DNAH11: variants seen among roughly 807,000 people sequenced by gnomAD.
DNAH11 encodes the protein dynein axonemal heavy chain 11, also known as axonemal beta dynein heavy chain 11.
DNAH11 carries 442 observed loss-of-function variants against 526.0 expected under a neutral mutation model. That is an observed-to-expected ratio of 0.84 (90% CI 0.78 to 0.91). The LOEUF (loss-of-function observed/expected upper bound fraction) is 0.91, where lower values mean the gene tolerates loss of function less well. Ranked by LOEUF, DNAH11 falls within the 40% of genes least tolerant of loss-of-function variation. The probability of loss-of-function intolerance (pLI) is 0.00; values close to 1 mark genes in which losing one functional copy is unlikely to be tolerated. For missense variants in DNAH11, 6,989 were observed against 5,448.7 expected (o/e 1.28, Z -8.90); for synonymous variants, 2,461 against 1,935.9 (o/e 1.27, Z -7.12).
At chr7:21,749,605 C>T in intron 52 of DNAH11, 73 bp from the exon 53 acceptor site, 4 of 1,578,726 alleles carry the variant, frequency 2.5e-6, no homozygotes, top group East Asian at 2.2e-5. Context: ...GAGTTCTCCC[C>T]AGCACTCACA....
At chr7:21,724,897 C>G (rs556320567) in intron 44 of DNAH11, among the ~76,000 whole-genome samples, 1 of 151,038 alleles carries the variant, frequency 6.6e-6, no homozygotes, top group South Asian at 2.1e-4. Flanking sequence ...GCCAGATTAT[C>G]CTATGGATAT....
At chr7:21,651,409 C>G (rs1781767529) in intron 28 of DNAH11, among the ~76,000 whole-genome samples, 1 of 152,050 alleles carries the variant, frequency 6.6e-6, no homozygotes, top group African/African-American at 2.4e-5. Flanking sequence ...GTCACCCAGG[C>G]TGGAGTGCAG....
At chr7:21,805,302 T>C (rs943815538) in intron 62 of DNAH11, among the ~76,000 whole-genome samples, 1 of 152,236 alleles carries the variant, frequency 6.6e-6, no homozygotes, top group East Asian at 1.9e-4. Flanking sequence ...TGGTCTTTTT[T>C]TCCCCAACTG....
At chr7:21,828,451 AG>A (rs1364760991) in intron 65 of DNAH11, among the ~76,000 whole-genome samples, 2 of 152,136 alleles carry the variant, frequency 1.3e-5, no homozygotes, top group Admixed American at 6.5e-5. Context: ...AATTTAGTAA[AG>A]TTTTTTTTCC....
At chr7:21,840,468 TAGA>T (rs1782163301) in intron 65 of DNAH11, among the ~76,000 whole-genome samples, 1 of 152,188 alleles carries the variant, frequency 6.6e-6, no homozygotes, top group African/African-American at 2.4e-5. Context: ...TAAGGTAAAA[TAGA>T]AGACTGAGCC....
intron 30 of DNAH11, among the ~76,000 whole-genome samples, chr7:21,678,918 T>C (rs1783023783): frequency 6.6e-6 from 1 of 152,180 alleles, no homozygotes; most frequent in Admixed American, 6.5e-5. Context: ...CTTGACAAGA[T>C]ATGTGCACTC....
At chr7:21,874,005 G>T (rs1442705475) in intron 74 of DNAH11, among the ~76,000 whole-genome samples, 2 of 151,868 alleles carry the variant, frequency 1.3e-5, no homozygotes, top group Non-Finnish European at 2.9e-5. Context: ...TGACCAGACT[G>T]GTCTTGAACT....
intron 77 of DNAH11, among the ~76,000 whole-genome samples, chr7:21,894,329 A>C (rs1294248167): frequency 1.3e-5 from 2 of 152,182 alleles, no homozygotes; most frequent in African/African-American, 2.4e-5. Flanking sequence ...TATACTCCCT[A>C]AATGTTAAGT....
At chr7:21,633,713 T>G (rs1786727190) in intron 25 of DNAH11, among the ~76,000 whole-genome samples, 2 of 152,166 alleles carry the variant, frequency 1.3e-5, no homozygotes, top group Admixed American at 6.5e-5. Context: ...CCAAGGAGTC[T>G]AAGAAGAGAC....
intron 77 of DNAH11, among the ~76,000 whole-genome samples, chr7:21,893,691 T>C (rs2128048289): frequency 6.6e-6 from 1 of 152,346 alleles, no homozygotes; most frequent in South Asian, 2.1e-4. Flanking sequence ...CTGAGTACCA[T>C]GTGCATACTC....
chr7:21,635,810 T>C (rs1786835368), intron 25 of DNAH11, 61 bp from the exon 26 acceptor site: 1 of 1,362,470 alleles, frequency 7.3e-7, no homozygotes, highest in Admixed American at 2.1e-5. Context: ...AGTGCCTCCC[T>C]CATAGCACTC....
intron 65 of DNAH11, among the ~76,000 whole-genome samples, chr7:21,821,356 A>G (rs760888547): frequency 2.6e-5 from 4 of 152,292 alleles, no homozygotes; most frequent in South Asian, 2.1e-4. Context: ...GGGAATATCT[A>G]TCTGGCGAAG....
At chr7:21,613,397 T>C (rs1374203887) in intron 20 of DNAH11, among the ~76,000 whole-genome samples, 1 of 152,224 alleles carries the variant, frequency 6.6e-6, no homozygotes, top group Non-Finnish European at 1.5e-5. Context: ...TTATTAGTCA[T>C]ATTTCTTAGG....
chr7:21,742,657 C>CG (rs750801074), intron 49 of DNAH11, among the ~76,000 whole-genome samples: 3 of 152,152 alleles, frequency 2.0e-5, no homozygotes, highest in Non-Finnish European at 4.4e-5. Context: ...ATACTGTTAA[C>CG]GGTGTTCCTT....
intron 73 of DNAH11, among the ~76,000 whole-genome samples, chr7:21,871,212 T>A (rs548696312): frequency 2.0e-5 from 3 of 152,240 alleles, no homozygotes; most frequent in African/African-American, 7.2e-5. Context: ...ACTATCTTTA[T>A]CTCACATGCA....
intron 45 of DNAH11, among the ~76,000 whole-genome samples, chr7:21,733,279 T>C (rs1281254892): frequency 6.6e-6 from 1 of 152,160 alleles, no homozygotes; most frequent in Non-Finnish European, 1.5e-5. Flanking sequence ...TTTCAGCTAC[T>C]TGGGAGGCTG....
chr7:21,720,673 C>T (rs903224938), intron 43 of DNAH11, 52 bp from the exon 44 acceptor site: 10 of 1,502,162 alleles, frequency 6.7e-6, no homozygotes, highest in Middle Eastern at 2.0e-4. Flanking sequence ...ATTCTTTGAA[C>T]TTCACTATTT....
At chr7:21,755,041 T>A (rs1057013132) in intron 54 of DNAH11, among the ~76,000 whole-genome samples, 12 of 152,166 alleles carry the variant, frequency 7.9e-5, no homozygotes, top group African/African-American at 2.4e-4. Context: ...CTTAATGTGT[T>A]ACAGGGGGTT....
intron 30 of DNAH11, among the ~76,000 whole-genome samples, chr7:21,670,326 C>G (rs988465864): frequency 1.3e-5 from 2 of 151,114 alleles, no homozygotes; most frequent in African/African-American, 4.9e-5. Context: ...ATTTCATTTC[C>G]CAGTGTTTTT....
Sources: allele counts gnomAD v4.1 joint callset (sites outside exome capture counted in the v4.1 genomes callset), GRCh38; gene constraint gnomAD v4.1.1; transcripts MANE v1.5; gene names NCBI Gene and HGNC (gene_info 2026-07-23, HGNC 2026-07-21).